Variants in FGF14 observed in about 807,000 individuals in gnomAD.
The protein encoded by FGF14 is fibroblast growth factor 14, also known as fibroblast growth factor homologous factor 4.
A neutral mutation model predicts 25.5 loss-of-function variants in FGF14; 5 were observed. That is an observed-to-expected ratio of 0.20 (90% CI 0.10 to 0.41). FGF14 has a LOEUF of 0.41. Among genes scored for constraint, FGF14 ranks in the 10% least tolerant of loss-of-function variants. The pLI, the probability that FGF14 is intolerant of heterozygous loss-of-function variation, is 1.00. For missense variants in FGF14, 222 were observed against 320.1 expected, an observed-to-expected ratio of 0.69 and a Z score of 2.34; for synonymous variants, 138 against 118.3, an observed-to-expected ratio of 1.17 and a Z score of -1.08.
intron 1 of FGF14, chr13:102,045,980 A>G (rs1213355272): frequency 6.5e-6 from 1 of 154,330 alleles, no homozygotes; most frequent in African/African-American, 2.4e-5. Flanking sequence ...TATCACAGCA[A>G]TTACCAAGTG....
At chr13:102,092,719 T>A (rs1042460392) in intron 1 of FGF14, among the ~76,000 whole-genome samples, 1 of 152,164 alleles carries the variant, frequency 6.6e-6, no homozygotes, top group African/African-American at 2.4e-5. Flanking sequence ...ATAATCATAT[T>A]ATAATACATA....
At chr13:101,755,762 T>C (rs925994395) in intron 3 of FGF14, among the ~76,000 whole-genome samples, 1 of 152,192 alleles carries the variant, frequency 6.6e-6, no homozygotes, top group Non-Finnish European at 1.5e-5. Flanking sequence ...GTAATTGAAT[T>C]GCATTTTTTC....
intron 1 of FGF14, among the ~76,000 whole-genome samples, chr13:102,143,496 T>C (rs1363956626): frequency 6.6e-6 from 1 of 152,194 alleles, no homozygotes; most frequent in African/African-American, 2.4e-5. Context: ...AAACTAATTA[T>C]GACCCTCTAC....
rs74619175 is a variant in FGF14 at position 102,333,490 on chromosome 13, C to A, written c.208+67981G>T. On this transcript the variant is annotated intron_variant, in intron 1 of 4. Coordinates refer to the FGF14 transcript ENST00000376131. ...ACTGAGTCCCCTGCTATACCGTTTC[C>A]TATGGACTCACTGAAGAGTCAAAAC... Among the ~76,000 whole-genome samples, 33 of 152,278 alleles carry A rather than the reference C, an allele frequency of 2.2e-4. No individual in the cohort carries two copies. The East Asian group carries it at 5.4e-3, about 25-fold the overall frequency.
At chr13:101,884,824 T>C (rs2045906398) in intron 1 of FGF14, among the ~76,000 whole-genome samples, 2 of 151,316 alleles carry the variant, frequency 1.3e-5, no homozygotes, top group South Asian at 2.1e-4. Flanking sequence ...AGGATCCCTG[T>C]CTCCCTGCCT....
At chr13:102,102,886 G>C (rs199626779) in intron 1 of FGF14, among the ~76,000 whole-genome samples, 1 of 152,042 alleles carries the variant, frequency 6.6e-6, no homozygotes, top group Non-Finnish European at 1.5e-5. Context: ...CTTTCTCCCC[G>C]CAGTATACTC....
chr13:102,159,801 CTG>C (rs2047538129), intron 1 of FGF14, among the ~76,000 whole-genome samples: 1 of 152,172 alleles, frequency 6.6e-6, no homozygotes, highest in African/African-American at 2.4e-5. Context: ...CAAATTTTCT[CTG>C]TAAGAAATCT....
intron 1 of FGF14, among the ~76,000 whole-genome samples, chr13:102,384,996 T>C (rs1025904263): frequency 2.6e-5 from 4 of 152,336 alleles, no homozygotes; most frequent in Admixed American, 6.5e-5. Context: ...TAGCAGTCCT[T>C]AGGAGACTAT....
chr13:101,852,975 T>G (rs2043934928), intron 3 of FGF14, among the ~76,000 whole-genome samples: 1 of 152,096 alleles, frequency 6.6e-6, no homozygotes, highest in Non-Finnish European at 1.5e-5. Flanking sequence ...AGGAAATTAA[T>G]AATTTCCTTG....
At chr13:101,945,250 G>A (rs879046391) in intron 1 of FGF14, among the ~76,000 whole-genome samples, 21 of 152,142 alleles carry the variant, frequency 1.4e-4, no homozygotes, top group African/African-American at 4.1e-4. Flanking sequence ...CCCCACAGGC[G>A]GAGGTTGCAG....
chr13:101,988,450 C>T (rs1397705026), intron 1 of FGF14, among the ~76,000 whole-genome samples: 1 of 151,908 alleles, frequency 6.6e-6, no homozygotes, highest in Non-Finnish European at 1.5e-5. Context: ...ACACTTGGAA[C>T]CAACCCAAAT....
intron 3 of FGF14, among the ~76,000 whole-genome samples, chr13:101,820,646 A>G (rs1015365817): frequency 6.6e-6 from 1 of 152,220 alleles, no homozygotes; most frequent in Non-Finnish European, 1.5e-5. Context: ...GTGAAAAGCT[A>G]CTTTGAAAGT....
intron 4 of FGF14, among the ~76,000 whole-genome samples, chr13:101,725,083 T>C (rs951562583): frequency 1.3e-5 from 2 of 152,068 alleles, no homozygotes; most frequent in Non-Finnish European, 2.9e-5. Flanking sequence ...GGTAAGGTTC[T>C]AAAAATCTAG....
chr13:102,189,735 G>A (rs1435086869), intron 1 of FGF14, among the ~76,000 whole-genome samples: 3 of 152,118 alleles, frequency 2.0e-5, no homozygotes, highest in African/African-American at 4.8e-5. Context: ...TCATGGTTCT[G>A]CAGGTTATGC....
chr13:101,950,126 C>T (rs770005180), intron 1 of FGF14, among the ~76,000 whole-genome samples: 42 of 152,012 alleles, frequency 2.8e-4, no homozygotes, highest in Non-Finnish European at 4.3e-4. Flanking sequence ...CTTGTACCTA[C>T]CAGATGCCCA....
At chr13:102,104,166 G>A (rs1360966112) in intron 1 of FGF14, among the ~76,000 whole-genome samples, 1 of 152,178 alleles carries the variant, frequency 6.6e-6, no homozygotes, top group African/African-American at 2.4e-5. Flanking sequence ...CACCAGTACT[G>A]TCATTATACT....
At chr13:102,310,403 T>A (rs2055667713) in intron 1 of FGF14, among the ~76,000 whole-genome samples, 1 of 152,134 alleles carries the variant, frequency 6.6e-6, no homozygotes, top group African/African-American at 2.4e-5. Flanking sequence ...ATTTTAAAAA[T>A]AGAAGTGACC....
intron 1 of FGF14, among the ~76,000 whole-genome samples, chr13:102,247,793 T>C (rs928743410): frequency 1.3e-5 from 2 of 152,150 alleles, no homozygotes; most frequent in African/African-American, 2.4e-5. Flanking sequence ...TGCACACATA[T>C]GTTAATTGCG....
intron 1 of FGF14, among the ~76,000 whole-genome samples, chr13:102,129,698 TA>T (rs911129687): frequency 3.1e-4 from 46 of 150,048 alleles, no homozygotes; most frequent in Middle Eastern, 6.8e-3. Flanking sequence ...GGGATGGGGG[TA>T]GGGGGGAGGG....
Sources: gnomAD v4.1 joint callset for allele counts (sites outside exome capture counted in the v4.1 genomes callset) on GRCh38, gnomAD v4.1.1 for gene constraint, MANE v1.5 for transcripts, NCBI Gene and HGNC (gene_info 2026-07-23, HGNC 2026-07-21) for gene names.